Variants in CCDC141 observed in about 807,000 individuals in gnomAD.
CCDC141 encodes the protein coiled-coil domain-containing protein 141.
A neutral mutation model predicts 181.0 loss-of-function variants in CCDC141; 168 were observed. The ratio of observed to expected loss-of-function variants is 0.93; its 90% confidence interval spans 0.82 to 1.05. CCDC141 has a LOEUF of 1.05. Among genes scored for constraint, CCDC141 ranks in the 50% least tolerant of loss-of-function variants. The pLI is 0.00. For missense variants in CCDC141, 1,902 were observed against 1,788.5 expected, an observed-to-expected ratio of 1.06 and a Z score of -1.14; for synonymous variants, 666 against 642.3, an observed-to-expected ratio of 1.04 and a Z score of -0.56.
intron 2 of CCDC141, among the ~76,000 whole-genome samples, chr2:179,045,085 T>C (rs2043446392): frequency 6.6e-6 from 1 of 151,352 alleles, no homozygotes; most frequent in African/African-American, 2.4e-5. Context: ...TATGTATACA[T>C]GTGCCATGCT....
chr2:178,910,848 T>C (rs1375443236), intron 7 of CCDC141, among the ~76,000 whole-genome samples: 1 of 152,208 alleles, frequency 6.6e-6, no homozygotes, highest in African/African-American at 2.4e-5. Flanking sequence ...TATGGAAGCT[T>C]TTGTCTCATA....
intron 8 of CCDC141, among the ~76,000 whole-genome samples, chr2:178,898,981 T>G (rs748795593): frequency 6.6e-6 from 1 of 152,196 alleles, no homozygotes; most frequent in Non-Finnish European, 1.5e-5. Context: ...GCTGTAATCA[T>G]TTGAAACAAC....
intron 4 of CCDC141, among the ~76,000 whole-genome samples, chr2:178,970,507 A>G (rs1447743118): frequency 6.6e-6 from 1 of 152,224 alleles, no homozygotes; most frequent in African/African-American, 2.4e-5. Context: ...CCTGATACAA[A>G]CATGCAATGG....
chr2:178,947,973 G>A (rs961593932), intron 5 of CCDC141, among the ~76,000 whole-genome samples: 9 of 152,186 alleles, frequency 5.9e-5, no homozygotes, highest in African/African-American at 2.2e-4. Context: ...GCTGAGGCAG[G>A]TGGATTCCTT....
At chr2:178,955,646 T>C (rs951447315) in intron 5 of CCDC141, among the ~76,000 whole-genome samples, 4 of 152,198 alleles carry the variant, frequency 2.6e-5, no homozygotes, top group African/African-American at 9.7e-5. Context: ...TTTGTTTAGT[T>C]TTTTTTAATA....
chr2:178,864,670 C>T (rs189101277), intron 17 of CCDC141, among the ~76,000 whole-genome samples: 1 of 152,310 alleles, frequency 6.6e-6, no homozygotes, highest in East Asian at 1.9e-4. Context: ...CCATCCTGCA[C>T]CTGCCTGTGG....
chr2:179,048,706 A>T (rs147537375), intron 1 of CCDC141, among the ~76,000 whole-genome samples: 20 of 152,270 alleles, frequency 1.3e-4, no homozygotes, highest in African/African-American at 4.8e-4. Context: ...GGGACTCTGA[A>T]AAGATGGGAG....
intron 17 of CCDC141, 58 bp downstream of exon 17, chr2:178,865,709 G>T (rs892449068): frequency 3.0e-5 from 41 of 1,388,808 alleles, no homozygotes; most frequent in Non-Finnish European, 3.8e-5. Flanking sequence ...TTAGACACAT[G>T]CTTTAGGTTC....
At position 178,984,779 on chromosome 2, in the gene CCDC141, A is replaced by T. The variant is rs1691636778; in HGVS notation, c.226-6104T>A. Among the ~76,000 whole-genome samples the T allele has an allele frequency of 3.9e-5, 6 of 151,912 alleles. 1 individual carries two copies. The South Asian group carries it at 1.3e-3, about 32-fold the overall frequency. On this transcript the variant is annotated intron_variant, in intron 2 of 23. Coordinates refer to ENST00000443758, the MANE Select transcript of CCDC141 (RefSeq NM_173648.4). ...AAGAAGAGCTAACTATCCTAAATAT[A>T]TATGCACCCAATACAGGAGCACCCA... is the stretch of plus-strand genomic sequence containing the variant.
chr2:179,015,745 T>C (rs62648860), intron 2 of CCDC141, among the ~76,000 whole-genome samples: 39,556 of 63,338 alleles, frequency 0.62, 11,819 homozygotes, highest in Admixed American at 0.75. Flanking sequence ...ATATATATCT[T>C]ATATATATCT....
At chr2:178,968,223 T>C (rs1192597252) in intron 4 of CCDC141, among the ~76,000 whole-genome samples, 2 of 152,218 alleles carry the variant, frequency 1.3e-5, no homozygotes, top group East Asian at 1.9e-4. Flanking sequence ...AACTCAGCTC[T>C]GGAACAAGCA....
intron 7 of CCDC141, among the ~76,000 whole-genome samples, chr2:178,906,383 G>C (rs772260247): frequency 1.3e-4 from 20 of 152,126 alleles, no homozygotes; most frequent in Non-Finnish European, 2.1e-4. Context: ...GAGGAGAAAG[G>C]GAGAAAGCAG....
intron 6 of CCDC141, among the ~76,000 whole-genome samples, chr2:178,940,703 A>G (rs2154376802): frequency 6.6e-6 from 1 of 152,324 alleles, no homozygotes; most frequent in South Asian, 2.1e-4. Flanking sequence ...CACAACGTAA[A>G]AGACTTACTA....
rs1481712800 is a variant in CCDC141 at position 178,837,731 on chromosome 2, A to G, written c.3488T>C (p.Val1163Ala). The change falls in exon 23 of 24, where the codon GTG (valine) becomes GCG (alanine). Residue 1163 changes from valine (V) to alanine (A), a missense_variant. Transcript: ENST00000443758. ...NEERNKGQVQ[V>A]ADLLGINGTG... ...TCCATTGATGCCCAAAAGATCTGCC[A>G]CCTGCACCTGCCCCTTGAAAAAAGA... 2 of 1,608,300 alleles carry G rather than the reference A, an allele frequency of 1.2e-6. No individual in the cohort carries two copies. The highest frequency in any genetic ancestry group is 1.3e-5 in the African/African-American group (1 of 74,714).
chr2:178,856,766 G>A lies in CCDC141; in HGVS notation c.2725-369C>T, dbSNP rs543010430. 2.0e-4 allele frequency among the ~76,000 whole-genome samples: 30 copies of A among 152,178 alleles called. 1 individual carries two copies. In the South Asian group the frequency reaches 5.6e-3, roughly 28 times the overall value. ...TGCCTGGCTAATTTTTGTATTTTTA[G>A]TGGAGACAGGTTTTCACCATGTTGG... On this transcript the variant is annotated intron_variant, in intron 17 of 23. Transcript: ENST00000443758.
chr2:178,985,911 C>T (rs1691706659), intron 2 of CCDC141, among the ~76,000 whole-genome samples: 1 of 152,166 alleles, frequency 6.6e-6, no homozygotes, highest in Non-Finnish European at 1.5e-5. Flanking sequence ...GGTACCATTC[C>T]TTCTGAAACT....
intron 5 of CCDC141, among the ~76,000 whole-genome samples, chr2:178,957,767 C>T (rs1204638412): frequency 2.0e-5 from 3 of 152,134 alleles, no homozygotes; most frequent in East Asian, 1.9e-4. Context: ...CTCTGTGTCA[C>T]CCAGACTGGA....
chr2:178,916,376 A>C (rs1184224107), intron 7 of CCDC141, among the ~76,000 whole-genome samples: 1 of 152,082 alleles, frequency 6.6e-6, no homozygotes, highest in Non-Finnish European at 1.5e-5. Context: ...AAATTGGGTA[A>C]AGTGGTCAAA....
intron 2 of CCDC141, among the ~76,000 whole-genome samples, chr2:178,991,733 A>C (rs1692064779): frequency 6.6e-6 from 1 of 152,128 alleles, no homozygotes; most frequent in Non-Finnish European, 1.5e-5. Context: ...CGGATATCTC[A>C]ATTACCAAGA....
Sources: allele counts gnomAD v4.1 joint callset (sites outside exome capture counted in the v4.1 genomes callset), GRCh38; gene constraint gnomAD v4.1.1; transcripts MANE v1.5; gene names NCBI Gene and HGNC (gene_info 2026-07-23, HGNC 2026-07-21).